TMEFF1: variants seen among roughly 807,000 people sequenced by gnomAD.
The protein encoded by TMEFF1 is transmembrane protein with EGF like and two follistatin like domains 1.
TMEFF1 carries 20 observed loss-of-function variants against 47.5 expected under a neutral mutation model. The observed-to-expected ratio is 0.42, with a 90% CI of 0.30 to 0.61. The LOEUF (loss-of-function observed/expected upper bound fraction) is 0.61. Among genes scored for constraint, TMEFF1 ranks in the 20% least tolerant of loss-of-function variants. The probability of loss-of-function intolerance (pLI) is 0.19; values close to 1 mark genes in which losing one functional copy is unlikely to be tolerated. For missense variants in TMEFF1, 411 were observed against 471.1 expected (o/e 0.87, Z 1.18); for synonymous variants, 162 against 166.3 (o/e 0.97, Z 0.20).
Position 100,572,509 on chromosome 9 carries a change from C to A in TMEFF1, c.900-9C>A. ...TTTTCATAGGAATATATATATTTTT[C>A]CTTTTCAGATGTGAATCTGGCTACA... On this transcript the variant is annotated splice_polypyrimidine_tract_variant and intron_variant, in intron 8 of 9. Transcript: ENST00000374879. 1.3e-6 allele frequency: 2 copies of A among 1,560,128 alleles called. No homozygotes were observed. The highest frequency in any genetic ancestry group is 1.8e-4 in the Middle Eastern group (1 of 5,626).
intron 6 of TMEFF1, among the ~76,000 whole-genome samples, chr9:100,549,658 G>A (rs1260005498): frequency 6.6e-6 from 1 of 152,028 alleles, no homozygotes; most frequent in Non-Finnish European, 1.5e-5. Context: ...CTCAAATCAG[G>A]GGTCATTTTT....
intron 7 of TMEFF1, among the ~76,000 whole-genome samples, chr9:100,552,945 A>G (rs2118524326): frequency 6.6e-6 from 1 of 152,298 alleles, no homozygotes; most frequent in Non-Finnish European, 1.5e-5. Flanking sequence ...GGGACAGCAC[A>G]GATATAGAAC....
chr9:100,554,914 A>G (rs1158294242), intron 7 of TMEFF1, among the ~76,000 whole-genome samples: 4 of 152,084 alleles, frequency 2.6e-5, no homozygotes, highest in South Asian at 4.1e-4. Flanking sequence ...ACATGTCTCC[A>G]TTGCTAATAG....
intron 5 of TMEFF1, among the ~76,000 whole-genome samples, chr9:100,529,670 A>G (rs1838338354): frequency 6.6e-6 from 1 of 152,216 alleles, no homozygotes; most frequent in Admixed American, 6.5e-5. Context: ...CACTGTCAAC[A>G]GTAGACAGAT....
At chr9:100,571,020 A>G (rs1839229021) in intron 8 of TMEFF1, among the ~76,000 whole-genome samples, 1 of 152,070 alleles carries the variant, frequency 6.6e-6, no homozygotes, top group Non-Finnish European at 1.5e-5. Flanking sequence ...TTGTCTTTTT[A>G]TCTACTTTTA....
At chr9:100,491,471 C>A (rs1344186121) in intron 1 of TMEFF1, among the ~76,000 whole-genome samples, 1 of 152,156 alleles carries the variant, frequency 6.6e-6, no homozygotes, top group East Asian at 1.9e-4. Flanking sequence ...TTAAAGTTTT[C>A]CACATGTTAA....
chr9:100,524,681 TGAG>T (rs1158172459), intron 5 of TMEFF1, among the ~76,000 whole-genome samples: 2,678 of 152,306 alleles, frequency 0.018, 72 homozygotes, highest in African/African-American at 0.06. Flanking sequence ...GTCAATTAAC[TGAG>T]TGGGTTGAGT....
chr9:100,481,367 T>C (rs1471784489), intron 1 of TMEFF1, among the ~76,000 whole-genome samples: 1 of 152,194 alleles, frequency 6.6e-6, no homozygotes, highest in Non-Finnish European at 1.5e-5. Flanking sequence ...GTGGAATAGA[T>C]TAATGGCTGA....
rs1054943782 is a variant in TMEFF1, at chr9:100,501,450, T to A, written c.306+2576T>A. On this transcript the variant is annotated intron_variant, in intron 2 of 9. Coordinates refer to ENST00000374879, the MANE Select transcript of TMEFF1 (RefSeq NM_003692.5). ...TTTTTTGTGAATTAATATTTCATAT[T>A]CTGTGTCTAGTTTCTGGGGTATTTT... Among the ~76,000 whole-genome samples, 5 of 152,176 alleles carry A rather than the reference T, an allele frequency of 3.3e-5. No homozygotes were observed. The East Asian group carries it at 5.8e-4, about 18-fold the overall frequency.
intron 2 of TMEFF1, 109 bp from the exon 3 acceptor site, chr9:100,508,896 A>C (rs1362429429): frequency 7.1e-6 from 9 of 1,270,880 alleles, no homozygotes; most frequent in Non-Finnish European, 8.0e-6. Context: ...ACCCCAGACT[A>C]TTCAGTAGCG....
intron 4 of TMEFF1, 56 bp downstream of exon 4, chr9:100,513,389 T>G (rs1838003858): frequency 6.5e-7 from 1 of 1,526,942 alleles, no homozygotes; most frequent in Non-Finnish European, 8.8e-7. Flanking sequence ...CTTTCTTTCT[T>G]TTTCTTTTTT....
Position 100,522,430 on chromosome 9 carries a change from C to A in TMEFF1, c.560+5659C>A, listed in dbSNP as rs367897113. Reference sequence around the variant, plus strand: ...AGGTTCCTTTATCCAGAAATATCTTCTTTTTTTTTTTTTTTTTTTTTTTTT... The same window carrying A: ...AGGTTCCTTTATCCAGAAATATCTTATTTTTTTTTTTTTTTTTTTTTTTTT... On this transcript the variant is annotated intron_variant, in intron 5 of 9. Coordinates refer to ENST00000374879, the MANE Select transcript of TMEFF1 (RefSeq NM_003692.5). 7.2e-5 allele frequency among the ~76,000 whole-genome samples: 5 copies of A among 69,642 alleles called. No homozygotes were observed. In the East Asian group the frequency reaches 1.5e-3, roughly 21 times the overall value. The allele number at this position is 69,642 out of a possible 152,430, so 45.7% of individuals were successfully genotyped here. A position where few individuals can be genotyped will look rare whatever the true frequency, so the allele number is the denominator to read the frequency against.
chr9:100,554,300 T>C (rs1226009685), intron 7 of TMEFF1, among the ~76,000 whole-genome samples: 1 of 152,204 alleles, frequency 6.6e-6, no homozygotes, highest in Non-Finnish European at 1.5e-5. Context: ...AGCCAAGCGC[T>C]AAGATCAATG....
rs61503841 is a variant in TMEFF1, at chr9:100,535,536, C to T, written c.561-12208C>T. On this transcript the variant is annotated intron_variant, in intron 5 of 9. Coordinates refer to ENST00000374879, the MANE Select transcript of TMEFF1 (RefSeq NM_003692.5). ...CTGTAATCCCAGCACTTTGGGAGGC[C>T]GAGGTGGGGGAATCACTTGGGGTCA... Among the ~76,000 whole-genome samples the T allele has an allele frequency of 7.4e-3, 1,121 of 152,222 alleles. 7 individuals are homozygous for T. The highest frequency in any genetic ancestry group is 0.023 in the African/African-American group (966 of 41,518).
intron 5 of TMEFF1, among the ~76,000 whole-genome samples, chr9:100,536,449 G>A (rs1000636497): frequency 6.6e-6 from 1 of 152,122 alleles, no homozygotes; most frequent in Non-Finnish European, 1.5e-5. Flanking sequence ...GGAAAATTGA[G>A]CAGGGAGGTT....
intron 5 of TMEFF1, among the ~76,000 whole-genome samples, chr9:100,521,088 G>T (rs1406736757): frequency 1.3e-5 from 2 of 152,126 alleles, no homozygotes; most frequent in Non-Finnish European, 2.9e-5. Context: ...ACAAACACTC[G>T]CAGAAACTGT....
chr9:100,527,142 TA>T (rs201295733), intron 5 of TMEFF1, among the ~76,000 whole-genome samples: 39 of 141,484 alleles, frequency 2.8e-4, no homozygotes, highest in Non-Finnish European at 2.5e-4. Context: ...AACTCTGTCT[TA>T]AAAAAAAAAA....
intron 5 of TMEFF1, among the ~76,000 whole-genome samples, chr9:100,533,886 T>C (rs1186938600): frequency 1.3e-5 from 2 of 152,020 alleles, no homozygotes; most frequent in Admixed American, 6.6e-5. Flanking sequence ...GCCCAGCTAA[T>C]GTTTGTATTT....
chr9:100,571,051 C>A (rs1232372675), intron 8 of TMEFF1, among the ~76,000 whole-genome samples: 1 of 152,036 alleles, frequency 6.6e-6, no homozygotes, highest in Non-Finnish European at 1.5e-5. Context: ...AGATAATTTC[C>A]AAGATTAGCA....
Sources: allele counts gnomAD v4.1 joint callset (sites outside exome capture counted in the v4.1 genomes callset), GRCh38; gene constraint gnomAD v4.1.1; transcripts MANE v1.5; gene names NCBI Gene and HGNC (gene_info 2026-07-23, HGNC 2026-07-21).